The following CNTN1 variants were observed in gnomAD, a reference collection of about 807,000 sequenced individuals.
The protein encoded by CNTN1 is contactin 1, also known as contactin-1.
CNTN1 carries 38 observed loss-of-function variants against 126.4 expected under a neutral mutation model. The ratio of observed to expected loss-of-function variants is 0.30; its 90% CI spans 0.23 to 0.39. CNTN1 has a LOEUF of 0.39. CNTN1 is among the 10% of genes least tolerant of loss of function. The pLI is 1.00. For synonymous variants in CNTN1, 413 were observed against 422.6 expected (o/e 0.98, Z 0.28); for missense variants, 1,009 against 1,248.4 (o/e 0.81, Z 2.89).
At chr12:40,889,239 T>C (rs2136722005) in intron 1 of CNTN1, among the ~76,000 whole-genome samples, 1 of 152,304 alleles carries the variant, frequency 6.6e-6, no homozygotes, top group African/African-American at 2.4e-5. Context: ...AACTAGATTT[T>C]AGCCATAATG....
chr12:40,847,056 C>T (rs184923195), intron 1 of CNTN1, among the ~76,000 whole-genome samples: 74 of 152,056 alleles, frequency 4.9e-4, no homozygotes, highest in African/African-American at 1.6e-3. Flanking sequence ...TTAGTAGAGA[C>T]GGGGTTTCCC....
At chr12:41,029,010 A>T in intron 22 of CNTN1, 53 bp from the exon 23 acceptor site, 3 of 1,539,196 alleles carry the variant, frequency 1.9e-6, no homozygotes, top group Non-Finnish European at 2.7e-6. Context: ...GTGTTAGAGC[A>T]TTGGCTCATT....
At chr12:41,064,769 CTAGATAGATAGA>C (rs59729389) in intron 23 of CNTN1, among the ~76,000 whole-genome samples, 4 of 150,600 alleles carry the variant, frequency 2.7e-5, no homozygotes, top group South Asian at 4.2e-4. Flanking sequence ...TGCTACCTCT[CTAGATAGATAGA>C]TAGATAGATA....
chr12:41,003,600 G>T (rs1292499093), intron 17 of CNTN1, among the ~76,000 whole-genome samples: 8 of 148,606 alleles, frequency 5.4e-5, no homozygotes, highest in African/African-American at 7.4e-5. Context: ...TTGGTTAGTT[G>T]GCTATTTATT....
At chr12:41,060,903 A>G (rs1055214153) in intron 23 of CNTN1, among the ~76,000 whole-genome samples, 7 of 152,198 alleles carry the variant, frequency 4.6e-5, no homozygotes, top group African/African-American at 1.7e-4. Flanking sequence ...TTTTAAATGA[A>G]TGAACTACAT....
At chr12:40,746,637 C>T (rs1448275282) in intron 1 of CNTN1, among the ~76,000 whole-genome samples, 2 of 152,046 alleles carry the variant, frequency 1.3e-5, no homozygotes, top group African/African-American at 4.8e-5. Context: ...CATCCCGTTT[C>T]CCTTGATTTT....
chr12:40,803,154 T>C (rs143301716), intron 1 of CNTN1, among the ~76,000 whole-genome samples: 1 of 152,110 alleles, frequency 6.6e-6, no homozygotes, highest in Admixed American at 6.6e-5. Context: ...GCTGAACCAA[T>C]TGATGTATCT....
chr12:40,730,431 G>A (rs1192969178), intron 1 of CNTN1, among the ~76,000 whole-genome samples: 1 of 152,196 alleles, frequency 6.6e-6, no homozygotes, highest in Non-Finnish European at 1.5e-5. Flanking sequence ...TGAGTCAAGT[G>A]TGCTGTTAGA....
rs189950345 is a variant in CNTN1 at position 40,929,325 on chromosome 12, A to G, written c.497-471A>G. ...GTTATGTAAGCTCATTTCTAACTCT[A>G]TAAAATAGGTGCACACACACACACA... On this transcript the variant is annotated intron_variant, in intron 6 of 23. Coordinates refer to ENST00000551295, the MANE Select transcript of CNTN1 (RefSeq NM_001843.4). 7.6e-3 allele frequency among the ~76,000 whole-genome samples: 1,149 copies of G among 151,424 alleles called. 37 individuals carry two copies. Among genetic ancestry groups the G allele is most frequent in the Admixed American group, 0.07 (1,064 of 15,148 alleles).
At chr12:40,986,932 T>G (rs936160476) in intron 16 of CNTN1, among the ~76,000 whole-genome samples, 1 of 152,182 alleles carries the variant, frequency 6.6e-6, no homozygotes, top group Non-Finnish European at 1.5e-5. Flanking sequence ...AGTTAAACTG[T>G]TTTCTTCTTG....
At chr12:40,772,983 GTGGAT>G (rs1565714484) in intron 1 of CNTN1, among the ~76,000 whole-genome samples, 1 of 151,786 alleles carries the variant, frequency 6.6e-6, no homozygotes. Context: ...AATATATATC[GTGGAT>G]TGGATATACG....
chr12:40,929,336 GCA>G (rs529408610), intron 6 of CNTN1, among the ~76,000 whole-genome samples: 20 of 148,736 alleles, frequency 1.3e-4, no homozygotes, highest in Middle Eastern at 3.4e-3. Flanking sequence ...TAAAATAGGT[GCA>G]CACACACACA....
chr12:40,774,268 C>A (rs771897804), intron 1 of CNTN1, among the ~76,000 whole-genome samples: 15 of 151,494 alleles, frequency 9.9e-5, no homozygotes, highest in Non-Finnish European at 1.9e-4. Flanking sequence ...GAAGGAGCCT[C>A]ATATTTGAAA....
At chr12:40,757,154 T>C (rs1938642881) in intron 1 of CNTN1, among the ~76,000 whole-genome samples, 1 of 152,028 alleles carries the variant, frequency 6.6e-6, no homozygotes, top group South Asian at 2.1e-4. Flanking sequence ...GGTCTCTTTC[T>C]CTCCTTCTAA....
chr12:41,047,308 TA>T (rs1268293257), intron 23 of CNTN1, among the ~76,000 whole-genome samples: 2 of 152,166 alleles, frequency 1.3e-5, no homozygotes, highest in Non-Finnish European at 2.9e-5. Flanking sequence ...CTGTTCCCTC[TA>T]AAACTCACCA....
intron 1 of CNTN1, among the ~76,000 whole-genome samples, chr12:40,850,866 CT>C (rs1384455979): frequency 1.3e-5 from 2 of 152,072 alleles, no homozygotes; most frequent in African/African-American, 4.8e-5. Flanking sequence ...CCATTTTATT[CT>C]TTTTCATTTT....
chr12:40,766,821 T>A (rs1939116841), intron 1 of CNTN1, among the ~76,000 whole-genome samples: 1 of 152,222 alleles, frequency 6.6e-6, no homozygotes, highest in Non-Finnish European at 1.5e-5. Context: ...GGCAAGGTTG[T>A]GACTGCCACC....
chr12:40,983,825 G>A (rs71449795), intron 16 of CNTN1, among the ~76,000 whole-genome samples: 3 of 143,798 alleles, frequency 2.1e-5, no homozygotes, highest in Non-Finnish European at 3.0e-5. Flanking sequence ...TTAATATTTT[G>A]TTATATATGC....
chr12:40,742,453 G>A (rs552056623), intron 1 of CNTN1: 1 of 151,980 alleles, frequency 6.6e-6, no homozygotes, highest in African/African-American at 2.4e-5. Context: ...TTCATATTTT[G>A]GAAATGACAT....
Sources: gnomAD v4.1 joint callset for allele counts (sites outside exome capture counted in the v4.1 genomes callset) on GRCh38, gnomAD v4.1.1 for gene constraint, MANE v1.5 for transcripts, NCBI Gene and HGNC (gene_info 2026-07-23, HGNC 2026-07-21) for gene names.